ZFHX3: variants seen among roughly 807,000 people sequenced by gnomAD.
ZFHX3 encodes the protein zinc finger homeobox 3, also known as zinc finger homeobox protein 3.
ZFHX3 carries 42 observed loss-of-function variants against 279.1 expected under a neutral mutation model. That is an observed-to-expected ratio of 0.15 (90% CI 0.12 to 0.19). The LOEUF (loss-of-function observed/expected upper bound fraction) is 0.19, where lower values mean the gene tolerates loss of function less well. ZFHX3 is among the 10% of genes least tolerant of loss of function. The pLI, the probability that ZFHX3 is intolerant of heterozygous loss-of-function variation, is 1.00. For missense variants in ZFHX3, 4,981 were observed against 4,754.0 expected, an observed-to-expected ratio of 1.05 and a Z score of -1.40; for synonymous variants, 2,293 against 1,957.8, an observed-to-expected ratio of 1.17 and a Z score of -4.52.
chr16:73,869,397 T>C (rs1962107401), intron 1 of ZFHX3, among the ~76,000 whole-genome samples: 2 of 152,194 alleles, frequency 1.3e-5, no homozygotes, highest in African/African-American at 4.8e-5. Context: ...ATTATGTCAA[T>C]ACCACAAACG....
intron 4 of ZFHX3, among the ~76,000 whole-genome samples, chr16:72,866,007 C>T (rs963376958): frequency 5.9e-5 from 9 of 152,130 alleles, no homozygotes; most frequent in Admixed American, 4.6e-4. Context: ...ACAAAGGAAG[C>T]GGGTGTACTG....
At chr16:73,080,767 C>T (rs964049214) in intron 8 of ZFHX3, among the ~76,000 whole-genome samples, 3 of 152,134 alleles carry the variant, frequency 2.0e-5, no homozygotes, top group East Asian at 3.9e-4. Context: ...TTTGTAGGGA[C>T]AGGGTCTTGC....
At chr16:73,469,170 T>C (rs758865836) in intron 2 of ZFHX3, among the ~76,000 whole-genome samples, 14 of 152,076 alleles carry the variant, frequency 9.2e-5, no homozygotes, top group Admixed American at 3.9e-4. Flanking sequence ...ATCTGAACCT[T>C]GGAAAGGACA....
intron 1 of ZFHX3, among the ~76,000 whole-genome samples, chr16:73,714,913 A>G (rs1024398186): frequency 2.6e-5 from 4 of 152,198 alleles, no homozygotes; most frequent in African/African-American, 9.6e-5. Flanking sequence ...CAGGTTAACA[A>G]AGCAACTGCA....
At chr16:72,829,681 C>A (rs935492941) in intron 5 of ZFHX3, 98 bp downstream of exon 5, 2 of 1,382,682 alleles carry the variant, frequency 1.4e-6, no homozygotes, top group East Asian at 4.6e-5. Flanking sequence ...TGTATCCGCT[C>A]CCTGACTTGT....
chr16:73,093,640 T>C, intron 7 of ZFHX3: 1 of 484,620 alleles, frequency 2.1e-6, no homozygotes, highest in Admixed American at 2.1e-5. Context: ...GAACTCGGCC[T>C]CTCCCCACAG....
chr16:73,374,885 A>T (rs8054563), intron 3 of ZFHX3, among the ~76,000 whole-genome samples: 1 of 152,042 alleles, frequency 6.6e-6, no homozygotes, highest in African/African-American at 2.4e-5. Flanking sequence ...ATGGCTTGAC[A>T]GGGTTAACTT....
intron 1 of ZFHX3, among the ~76,000 whole-genome samples, chr16:73,849,250 C>T (rs746293425): frequency 6.6e-6 from 1 of 152,210 alleles, no homozygotes; most frequent in Non-Finnish European, 1.5e-5. Flanking sequence ...ATATGAACTT[C>T]TGCTATGAAG....
chr16:73,352,891 C>T (rs528218594), intron 3 of ZFHX3, among the ~76,000 whole-genome samples: 102 of 152,306 alleles, frequency 6.7e-4, no homozygotes, highest in Non-Finnish European at 1.1e-3. Flanking sequence ...GCTATCCAGC[C>T]TGGCCTCCCT....
At chr16:72,828,428 A>T (rs764921729) in intron 5 of ZFHX3, among the ~76,000 whole-genome samples, 1 of 152,184 alleles carries the variant, frequency 6.6e-6, no homozygotes, top group African/African-American at 2.4e-5. Flanking sequence ...AAAGCTTATC[A>T]TCTTGAGAAA....
chr16:73,463,222 G>A (rs1480114001), intron 2 of ZFHX3, among the ~76,000 whole-genome samples: 1 of 152,154 alleles, frequency 6.6e-6, no homozygotes, highest in Non-Finnish European at 1.5e-5. Context: ...CTTAAAACAT[G>A]CCAAGCACTT....
intron 2 of ZFHX3, among the ~76,000 whole-genome samples, chr16:73,647,015 T>TTTC (rs2052624403): frequency 1.1e-5 from 1 of 90,106 alleles, no homozygotes; most frequent in Non-Finnish European, 2.8e-5. Context: ...GTGCCAACCT[T>TTTC]TTTTTTTTCT....
intron 1 of ZFHX3, among the ~76,000 whole-genome samples, chr16:73,035,271 T>C (rs1255519271): frequency 6.6e-6 from 1 of 152,260 alleles, no homozygotes; most frequent in Non-Finnish European, 1.5e-5. Flanking sequence ...ATTCCACCTG[T>C]TTCTCATTGT....
intron 2 of ZFHX3, among the ~76,000 whole-genome samples, chr16:73,667,952 T>C (rs1011793710): frequency 6.6e-6 from 1 of 152,218 alleles, no homozygotes; most frequent in African/African-American, 2.4e-5. Context: ...AGCAATTTCT[T>C]TGAATTCCTA....
chr16:73,086,067 T>C (rs1418602688), intron 8 of ZFHX3, among the ~76,000 whole-genome samples: 2 of 149,160 alleles, frequency 1.3e-5, no homozygotes, highest in Non-Finnish European at 3.0e-5. Flanking sequence ...AGAAGACATA[T>C]GTATGACAAA....
In ZFHX3 at chr16:72,793,104, G is replaced by A. The variant is rs533416121; in HGVS notation, c.9427+151C>T. On this transcript the variant is annotated intron_variant, in intron 9 of 9. Coordinates refer to ENST00000268489, the MANE Select transcript of ZFHX3 (RefSeq NM_006885.4). This position sits in a 1 kb window ranked among gnomAD's most constrained non-coding sequence, Gnocchi z 4.3. ...ACACCAGTACTTGGGAGACTCAACA[G>A]GAACGAACTGAAGTCTTGTTGCTTT... 8.5e-6 allele frequency: 12 copies of A among 1,405,436 alleles called. No homozygotes were observed. Among genetic ancestry groups the A allele is most frequent in the Non-Finnish European group, 1.0e-5 (11 of 1,051,154 alleles). 87.1% of individuals were successfully genotyped at this position (1,405,436 alleles called of 1,614,324 possible).
At chr16:73,086,520 A>G (rs752351540) in intron 8 of ZFHX3, among the ~76,000 whole-genome samples, 2 of 152,242 alleles carry the variant, frequency 1.3e-5, no homozygotes, top group Non-Finnish European at 2.9e-5. Context: ...ATGGAATATT[A>G]CTCAGCTACA....
intron 2 of ZFHX3, among the ~76,000 whole-genome samples, chr16:73,586,519 T>C (rs960047575): frequency 1.3e-5 from 2 of 150,880 alleles, no homozygotes; most frequent in African/African-American, 4.9e-5. Context: ...TATACTATTA[T>C]TATTGGATAA....
rs148793365 is a variant in ZFHX3, at chr16:73,489,347, G to A, written c.-1546-33089C>T. Among the ~76,000 whole-genome samples, 28 of 152,196 alleles carry A rather than the reference G, an allele frequency of 1.8e-4. No individual in the cohort carries two copies. In the East Asian group the frequency reaches 2.7e-3, roughly 15 times the overall value. On this transcript the variant is annotated intron_variant, in intron 2 of 17. Transcript: ENST00000641206. ...TTAAGATATGATTTAAGAACTGAAC[G>A]TTCATTAAAAAGATCATTTCATGAC...
Sources: allele counts gnomAD v4.1 joint callset (sites outside exome capture counted in the v4.1 genomes callset), GRCh38; gene constraint gnomAD v4.1.1; non-coding constraint Gnocchi (gnomAD v3.1); transcripts MANE v1.5; gene names NCBI Gene and HGNC (gene_info 2026-07-23, HGNC 2026-07-21).